SPATS2: variants seen among roughly 807,000 people sequenced by gnomAD.
SPATS2 encodes the protein spermatogenesis associated serine rich 2.
SPATS2 carries 38 observed loss-of-function variants against 63.7 expected under a neutral mutation model. The observed-to-expected ratio is 0.60, with a 90% CI of 0.46 to 0.78. The LOEUF (loss-of-function observed/expected upper bound fraction) is 0.78. Ranked by LOEUF, SPATS2 falls within the 30% of genes least tolerant of loss-of-function variation. The pLI is 0.00. For missense variants in SPATS2, 588 were observed against 666.2 expected, an observed-to-expected ratio of 0.88 and a Z score of 1.29; for synonymous variants, 207 against 232.9, an observed-to-expected ratio of 0.89 and a Z score of 1.01.
At chr12:49,380,560 G>T (rs1235081849) in intron 2 of SPATS2, among the ~76,000 whole-genome samples, 1 of 152,082 alleles carries the variant, frequency 6.6e-6, no homozygotes, top group Non-Finnish European at 1.5e-5. Flanking sequence ...ACAAAAATTA[G>T]CCAGGTGTGG....
In SPATS2 at chr12:49,519,172, C is replaced by T; in HGVS notation, c.998C>T (p.Ala333Val). ...MSEQQLVELR[A>V]DIKHFVSERK... ...GAGCAGCAATTGGTTGAGCTCAGAG[C>T]TGATATCAAGGTAAAACTTCTTTCT... Residue 333 changes from alanine (A) to valine (V), a missense_variant, in exon 11 of 14, where the codon GCT becomes GTT. Physicochemically the swap from Ala to Val is moderately conservative, Grantham distance 64. Coordinates refer to ENST00000552918, the MANE Select transcript of SPATS2 (RefSeq NM_023071.4). 2 of 1,613,020 alleles carry T rather than the reference C, an allele frequency of 1.2e-6. No homozygotes were observed. Among genetic ancestry groups the T allele is most frequent in the Non-Finnish European group, 1.7e-6 (2 of 1,179,434 alleles).
intron 2 of SPATS2, among the ~76,000 whole-genome samples, chr12:49,421,440 A>AC (rs1341946418): frequency 6.6e-6 from 1 of 151,128 alleles, no homozygotes; most frequent in African/African-American, 2.4e-5. Context: ...AAAAAAAAAA[A>AC]AAACAACCTT....
At chr12:49,433,195 C>G (rs1945215567) in intron 2 of SPATS2, among the ~76,000 whole-genome samples, 1 of 152,180 alleles carries the variant, frequency 6.6e-6, no homozygotes, top group African/African-American at 2.4e-5. Context: ...GACGGAGTCT[C>G]TCTGTCACAC....
At chr12:49,499,414 G>GTTTTGTT (rs1763182382) in intron 8 of SPATS2, among the ~76,000 whole-genome samples, 1 of 150,236 alleles carries the variant, frequency 6.7e-6, no homozygotes, top group African/African-American at 2.5e-5. Context: ...GTTTTGTTTT[G>GTTTTGTT]TTTTGTTTTG....
intron 2 of SPATS2, among the ~76,000 whole-genome samples, chr12:49,402,280 T>G (rs1252190750): frequency 1.3e-5 from 2 of 152,128 alleles, no homozygotes; most frequent in Non-Finnish European, 2.9e-5. Context: ...AGACTTGAGG[T>G]GTATGCAAGG....
chr12:49,495,071 G>A, intron 7 of SPATS2, 69 bp downstream of exon 7: 1 of 1,418,888 alleles, frequency 7.0e-7, no homozygotes, highest in African/African-American at 1.4e-5. Flanking sequence ...CGTTGAGAAA[G>A]TGATCAATTA....
chr12:49,519,291 T>A, intron 11 of SPATS2, 109 bp downstream of exon 11: 1 of 826,026 alleles, frequency 1.2e-6, no homozygotes, highest in Non-Finnish European at 1.8e-6. Context: ...GATCTTCCTT[T>A]CCCAAACCTG....
chr12:49,509,439 T>G (rs924770918), intron 9 of SPATS2, among the ~76,000 whole-genome samples: 2 of 151,852 alleles, frequency 1.3e-5, no homozygotes, highest in African/African-American at 2.4e-5. Flanking sequence ...CGCCACATTT[T>G]TGTACTTCTA....
chr12:49,394,354 A>C (rs1295633525), intron 2 of SPATS2, among the ~76,000 whole-genome samples: 2 of 151,950 alleles, frequency 1.3e-5, no homozygotes, highest in African/African-American at 4.8e-5. Context: ...AAAAAAAAAA[A>C]AAACAGAACT....
intron 2 of SPATS2, among the ~76,000 whole-genome samples, chr12:49,411,123 T>C (rs1468004861): frequency 1.3e-5 from 2 of 152,192 alleles, no homozygotes; most frequent in Non-Finnish European, 2.9e-5. Context: ...CATACTGATA[T>C]TTAAAATCAG....
chr12:49,437,513 C>T (rs1453533282), intron 2 of SPATS2, among the ~76,000 whole-genome samples: 1 of 152,128 alleles, frequency 6.6e-6, no homozygotes, highest in Admixed American at 6.5e-5. Context: ...GCCGAGATCA[C>T]GCCACTGCAC....
chr12:49,476,723 TAAG>T (rs1946124774), intron 3 of SPATS2, among the ~76,000 whole-genome samples: 1 of 152,280 alleles, frequency 6.6e-6, no homozygotes, highest in African/African-American at 2.4e-5. Flanking sequence ...CCTGTTGCAC[TAAG>T]AAGGTTTGTG....
chr12:49,493,774 A>AT, intron 6 of SPATS2, among the ~76,000 whole-genome samples: 1 of 152,256 alleles, frequency 6.6e-6, no homozygotes, highest in South Asian at 2.1e-4. Context: ...GGCAAACAGT[A>AT]TTTTCAATTT....
At chr12:49,461,167 A>G (rs1410216692) in intron 3 of SPATS2, 130 bp downstream of exon 3, 1 of 949,030 alleles carries the variant, frequency 1.1e-6, no homozygotes, top group Non-Finnish European at 1.6e-6. Flanking sequence ...ATATTAGATT[A>G]TCGCTTTGTG....
chr12:49,514,668 A>C (rs1314088656), intron 10 of SPATS2, 55 bp downstream of exon 10: 5 of 1,515,178 alleles, frequency 3.3e-6, no homozygotes, highest in African/African-American at 1.4e-5. Flanking sequence ...GTAGGTACCT[A>C]CTTCCCAACC....
At chr12:49,503,938 G>T (rs1946612360) in intron 9 of SPATS2, among the ~76,000 whole-genome samples, 1 of 152,150 alleles carries the variant, frequency 6.6e-6, no homozygotes, top group South Asian at 2.1e-4. Flanking sequence ...GTAACAACCA[G>T]GTCAATTTAA....
chr12:49,393,037 G>A (rs1944446375), intron 2 of SPATS2, among the ~76,000 whole-genome samples: 1 of 152,130 alleles, frequency 6.6e-6, no homozygotes, highest in Admixed American at 6.6e-5. Context: ...GGGCAAAACT[G>A]TGAAACTCCA....
In SPATS2 at chr12:49,418,411, G is replaced by A. The variant is rs561162241; in HGVS notation, c.-243-42359G>A. On this transcript the variant is annotated intron_variant, in intron 2 of 13. Coordinates refer to ENST00000552918, the MANE Select transcript of SPATS2 (RefSeq NM_023071.4). ...ACCTCCCAGGTTCAAGGGATTCTCC[G>A]GTCTTAGCCTCCCTAGTAGCTGGGA... Among the ~76,000 whole-genome samples, 18 of 152,028 alleles carry A rather than the reference G, an allele frequency of 1.2e-4. 1 individual carries two copies. The South Asian group carries it at 1.9e-3, about 16-fold the overall frequency.
intron 9 of SPATS2, among the ~76,000 whole-genome samples, chr12:49,507,884 A>T (rs1946679717): frequency 6.6e-6 from 1 of 152,248 alleles, no homozygotes; most frequent in Non-Finnish European, 1.5e-5. Context: ...CTGAGAAATC[A>T]AGATGAATAC....
Sources: allele counts gnomAD v4.1 joint callset (sites outside exome capture counted in the v4.1 genomes callset), GRCh38; gene constraint gnomAD v4.1.1; transcripts MANE v1.5; gene names NCBI Gene and HGNC (gene_info 2026-07-23, HGNC 2026-07-21).